The following ARHGAP32 variants were observed in gnomAD, a reference collection of about 807,000 sequenced individuals.
ARHGAP32 encodes the protein Rho GTPase activating protein 32, also known as rho GTPase-activating protein 32.
Under a neutral mutation model 186.5 loss-of-function variants are expected in ARHGAP32, and 51 were observed. The ratio of observed to expected loss-of-function variants is 0.27; its 90% CI spans 0.22 to 0.35. The LOEUF is 0.35. Ranked by LOEUF, ARHGAP32 falls within the 10% of genes least tolerant of loss-of-function variation. ARHGAP32 has a pLI of 1.00. For missense variants in ARHGAP32, 2,186 were observed against 2,623.5 expected (o/e 0.83, Z 3.64); for synonymous variants, 950 against 964.3 (o/e 0.99, Z 0.27).
chr11:129,169,714 G>C (rs144108921), intron 1 of ARHGAP32, among the ~76,000 whole-genome samples: 3 of 148,014 alleles, frequency 2.0e-5, no homozygotes, highest in Non-Finnish European at 4.5e-5. Flanking sequence ...TAGTTGAAAT[G>C]AACAAATCCT....
In ARHGAP32 at chr11:129,274,347, T is replaced by G. The variant is rs184725430; in HGVS notation, c.-5+4799A>C. Among the ~76,000 whole-genome samples the G allele has an allele frequency of 7.9e-4, 120 of 152,332 alleles. 1 individual carries two copies. The highest frequency in any genetic ancestry group is 3.4e-3 in the Middle Eastern group (1 of 294). ...GCATCTCATCTTCTTTAGGTCTACTTTTTTTGAGGTGCTATAATCAGAACA... is the reference window on the plus strand; with the variant it reads ...GCATCTCATCTTCTTTAGGTCTACTGTTTTTGAGGTGCTATAATCAGAACA... On this transcript the variant is annotated intron_variant, in intron 1 of 6. Coordinates refer to the ARHGAP32 transcript ENST00000525234.
At chr11:129,220,842 C>T (rs1944702485) in intron 1 of ARHGAP32, among the ~76,000 whole-genome samples, 2 of 152,156 alleles carry the variant, frequency 1.3e-5, no homozygotes, top group Admixed American at 1.3e-4. Flanking sequence ...ATTTTTACAA[C>T]TATTTTACAG....
intron 15 of ARHGAP32, 120 bp from the exon 16 acceptor site, chr11:128,982,056 C>G (rs1046644640): frequency 5.3e-6 from 3 of 567,826 alleles, no homozygotes; most frequent in Non-Finnish European, 8.9e-6. Flanking sequence ...ACCATACAAA[C>G]CCAAGAGAAC....
chr11:129,180,378 G>A (rs1244257074), intron 1 of ARHGAP32, among the ~76,000 whole-genome samples: 1 of 152,072 alleles, frequency 6.6e-6, no homozygotes, highest in Non-Finnish European at 1.5e-5. Context: ...CAAAGGTTTT[G>A]TGTGTGCTAG....
chr11:129,121,033 G>A (rs190911571), intron 5 of ARHGAP32, among the ~76,000 whole-genome samples: 12 of 152,018 alleles, frequency 7.9e-5, no homozygotes, highest in Non-Finnish European at 1.5e-4. Flanking sequence ...CCATAAACAC[G>A]TTTAGAATCA....
rs2032221174 is a variant in ARHGAP32 at position 128,968,490 on chromosome 11, A to G, written c.*417T>C. 6.5e-6 allele frequency: 1 copy of G among 153,276 alleles called. No individual in the cohort carries two copies. The highest frequency in any genetic ancestry group is 6.5e-5 in the Admixed American group (1 of 15,326). 9.5% of individuals were successfully genotyped at this position (153,276 alleles called of 1,614,324 possible). The stretch of plus-strand genomic sequence containing the variant: ...ACTGAAGGAGAAGCAGGAACACAAC[A>G]GGGAATGCAGACGCCTACCAGGAAA... On this transcript the variant is annotated 3_prime_UTR_variant, in exon 23 of 23. Coordinates refer to ENST00000682385, the MANE Select transcript of ARHGAP32 (RefSeq NM_001378024.1).
At chr11:129,110,883 T>C (rs1426947743) in intron 5 of ARHGAP32, among the ~76,000 whole-genome samples, 1 of 152,180 alleles carries the variant, frequency 6.6e-6, no homozygotes, top group Non-Finnish European at 1.5e-5. Flanking sequence ...AGAGGCACAA[T>C]TTAACTTCCT....
intron 11 of ARHGAP32, among the ~76,000 whole-genome samples, chr11:129,031,037 T>C (rs1939090742): frequency 1.3e-5 from 2 of 152,088 alleles, no homozygotes; most frequent in African/African-American, 4.8e-5. Flanking sequence ...AGTGCCATGC[T>C]TCCTGGACAG....
rs184070758 is a variant in ARHGAP32, at chr11:129,005,499, T to C, written c.1046-7031A>G. Among the ~76,000 whole-genome samples the C allele has an allele frequency of 2.0e-5, 3 of 152,206 alleles. No individual in the cohort carries two copies. The East Asian group carries it at 5.8e-4, about 29-fold the overall frequency. Reference sequence around the variant, plus strand: ...GAAAGTCTTTACTACTTCTTCATGTTTGAAGGATATTTTCACCAGATATAC... The same window carrying C: ...GAAAGTCTTTACTACTTCTTCATGTCTGAAGGATATTTTCACCAGATATAC... On this transcript the variant is annotated intron_variant, in intron 11 of 22. Transcript: ENST00000682385.
intron 11 of ARHGAP32, among the ~76,000 whole-genome samples, chr11:129,037,443 T>C (rs1280887618): frequency 6.6e-6 from 1 of 151,652 alleles, no homozygotes; most frequent in Non-Finnish European, 1.5e-5. Flanking sequence ...TTGTGAACTA[T>C]GATCACACCA....
intron 1 of ARHGAP32, among the ~76,000 whole-genome samples, chr11:129,208,912 T>A (rs1944547606): frequency 6.6e-6 from 1 of 152,184 alleles, no homozygotes; most frequent in Non-Finnish European, 1.5e-5. Flanking sequence ...GTATTCAGAA[T>A]TGAATTCACT....
chr11:129,255,004 G>A (rs1381597575), intron 1 of ARHGAP32, among the ~76,000 whole-genome samples: 1 of 152,090 alleles, frequency 6.6e-6, no homozygotes, highest in Non-Finnish European at 1.5e-5. Context: ...GTTGAGGGAT[G>A]CTGTATGGTC....
intron 1 of ARHGAP32, among the ~76,000 whole-genome samples, chr11:129,211,332 T>C (rs1944579933): frequency 6.6e-6 from 1 of 152,174 alleles, no homozygotes; most frequent in Non-Finnish European, 1.5e-5. Context: ...ACCACAAGAT[T>C]TCTCAGAAAT....
chr11:129,093,847 C>G (rs1380976193), intron 5 of ARHGAP32, 140 bp from the exon 6 acceptor site: 13 of 640,334 alleles, frequency 2.0e-5, no homozygotes, highest in Non-Finnish European at 3.6e-5. Flanking sequence ...ATGAGAACTT[C>G]ATTGCTTAAG....
At chr11:129,232,533 A>T (rs1006999823) in intron 1 of ARHGAP32, among the ~76,000 whole-genome samples, 2 of 152,162 alleles carry the variant, frequency 1.3e-5, no homozygotes, top group South Asian at 2.1e-4. Context: ...ATTCTGGAGA[A>T]TTTGTATTTG....
At position 128,969,281 on chromosome 11, in the gene ARHGAP32, T is replaced by C. The variant is rs767601715; in HGVS notation, c.5932A>G (p.Arg1978Gly). 1.4e-5 allele frequency: 22 copies of C among 1,614,244 alleles called. No homozygotes were observed. Among genetic ancestry groups the C allele is most frequent in the South Asian group, 5.5e-5 (5 of 91,084 alleles). The change falls in exon 23 of 23, where the codon AGA (arginine) becomes GGA (glycine). Residue 1978 changes from arginine (R) to glycine (G), a missense_variant. By Grantham distance (125) the Arg-to-Gly change is moderately radical. Transcript: ENST00000682385. This position sits in a 1 kb window ranked among gnomAD's most constrained non-coding sequence, Gnocchi z 4.8. The part of the protein sequence containing the change: ...RQPSAPEKHS[R>G]DCYKEEEHLT... ...TGTTCTTCCTCCTTGTAGCAGTCTC[T>C]GGAGTGTTTCTCTGGGGCAGAAGGC...
intron 10 of ARHGAP32, among the ~76,000 whole-genome samples, chr11:129,050,897 T>C (rs1164739034): frequency 6.6e-6 from 1 of 152,180 alleles, no homozygotes; most frequent in Non-Finnish European, 1.5e-5. Context: ...TGGTGTTTGG[T>C]TTTCTGTTCC....
Position 129,267,961 on chromosome 11 carries a change from C to G in ARHGAP32, c.-5+11185G>C, listed in dbSNP as rs182156644. Among the ~76,000 whole-genome samples the G allele has an allele frequency of 1.3e-4, 20 of 152,224 alleles. 1 individual carries two copies. In the East Asian group the frequency reaches 3.5e-3, roughly 26 times the overall value. The stretch of plus-strand genomic sequence containing the variant: ...AGGGACAGCTCGCTCACTCACCCCC[C>G]ACCCACGGAAGGCATTAATGTAGAC... On this transcript the variant is annotated intron_variant, in intron 1 of 6. Coordinates refer to the ARHGAP32 transcript ENST00000525234.
chr11:129,030,402 T>C (rs1939060670), intron 11 of ARHGAP32: 1 of 151,960 alleles, frequency 6.6e-6, no homozygotes, highest in Admixed American at 6.6e-5. Context: ...TAAAATAACA[T>C]AAAAAGCAAG....
Sources: allele counts gnomAD v4.1 joint callset (sites outside exome capture counted in the v4.1 genomes callset), GRCh38; gene constraint gnomAD v4.1.1; non-coding constraint Gnocchi (gnomAD v3.1); transcripts MANE v1.5; gene names NCBI Gene and HGNC (gene_info 2026-07-23, HGNC 2026-07-21).